ARB2A: variants seen among roughly 807,000 people sequenced by gnomAD.
ARB2A encodes cotranscriptional regulator ARB2A.
At chr5:93,980,459 G>T in the ARB2A span, among the ~76,000 whole-genome samples, 1 of 152,056 alleles carries the variant, frequency 6.6e-6, no homozygotes, top group Non-Finnish European at 1.5e-5. Context: ...TCCTCCTGAG[G>T]ACTCAATGTA....
the ARB2A span, among the ~76,000 whole-genome samples, chr5:93,842,815 G>C: frequency 1.2e-4 from 19 of 152,302 alleles, no homozygotes; most frequent in African/African-American, 4.3e-4. Flanking sequence ...CTTGGCAAAT[G>C]TCTTTGCACA....
At chr5:93,653,875 T>C in the ARB2A span, among the ~76,000 whole-genome samples, 3 of 152,212 alleles carry the variant, frequency 2.0e-5, no homozygotes, top group Non-Finnish European at 4.4e-5. Context: ...CCAAAGGCCA[T>C]AGAATTGGCA....
At chr5:93,887,255 A>AT in the ARB2A span, among the ~76,000 whole-genome samples, 1 of 148,026 alleles carries the variant, frequency 6.8e-6, no homozygotes, top group Non-Finnish European at 1.5e-5. Context: ...AAGTGAGTGG[A>AT]TAAAAAAAAA....
At chr5:93,817,419 A>G in the ARB2A span, among the ~76,000 whole-genome samples, 1 of 152,224 alleles carries the variant, frequency 6.6e-6, no homozygotes, top group African/African-American at 2.4e-5. Flanking sequence ...TAACCTATTT[A>G]ATCAATCCCA....
At chr5:93,896,948 T>C in the ARB2A span, among the ~76,000 whole-genome samples, 2 of 152,132 alleles carry the variant, frequency 1.3e-5, no homozygotes, top group East Asian at 3.9e-4. Context: ...TTAAATAAAA[T>C]TCCAAGAAGT....
At chr5:93,645,576 GAAAAAA>G in the ARB2A span, among the ~76,000 whole-genome samples, 3 of 90,144 alleles carry the variant, frequency 3.3e-5, no homozygotes, top group East Asian at 7.9e-4. Flanking sequence ...CCGTCTCAAA[GAAAAAA>G]AAAAAAAAAG....
the ARB2A span, among the ~76,000 whole-genome samples, chr5:93,828,017 G>C: frequency 2.0e-5 from 3 of 152,200 alleles, no homozygotes; most frequent in Admixed American, 2.0e-4. Context: ...TTTGAAGTCA[G>C]GTAGTGTGAT....
the ARB2A span, among the ~76,000 whole-genome samples, chr5:93,989,816 T>C: frequency 3.9e-5 from 6 of 152,140 alleles, no homozygotes; most frequent in Admixed American, 2.6e-4. Context: ...GAAGAGTCCA[T>C]GGTTCCTGAA....
chr5:93,985,372 TCTCTCC>T, the ARB2A span, among the ~76,000 whole-genome samples: 2 of 151,868 alleles, frequency 1.3e-5, no homozygotes, highest in African/African-American at 2.4e-5. Flanking sequence ...TCTCCCTCTC[TCTCTCC>T]CTCTCCCTCT....
chr5:93,985,573 G>A, the ARB2A span, among the ~76,000 whole-genome samples: 4 of 152,168 alleles, frequency 2.6e-5, no homozygotes, highest in African/African-American at 7.2e-5. Context: ...GCAGGCGCGC[G>A]CCGCCACGCC....
the ARB2A span, among the ~76,000 whole-genome samples, chr5:93,827,538 C>T: frequency 6.6e-6 from 1 of 152,128 alleles, no homozygotes; most frequent in Non-Finnish European, 1.5e-5. Flanking sequence ...TTCCTCCATT[C>T]TGTAGGTTGT....
At chr5:93,618,339 T>C in the ARB2A span, 5 of 152,140 alleles carry the variant, frequency 3.3e-5, no homozygotes, top group African/African-American at 1.2e-4. Flanking sequence ...CGGGACTATT[T>C]TGAATCTTAG....
At chr5:93,878,427 T>A in the ARB2A span, among the ~76,000 whole-genome samples, 1 of 150,846 alleles carries the variant, frequency 6.6e-6, no homozygotes, top group Non-Finnish European at 1.5e-5. Context: ...CTCAAAGGGG[T>A]GTGTGTGTGT....
At chr5:93,640,428 G>A in the ARB2A span, among the ~76,000 whole-genome samples, 5 of 151,288 alleles carry the variant, frequency 3.3e-5, no homozygotes, top group African/African-American at 7.3e-5. Context: ...CAGCCTGGGC[G>A]ACAGAGCAAG....
the ARB2A span, among the ~76,000 whole-genome samples, chr5:93,985,797 C>T: frequency 6.6e-6 from 1 of 152,198 alleles, no homozygotes; most frequent in East Asian, 1.9e-4. Context: ...CAGCCGCCTG[C>T]CTTGGCCTCC....
chr5:93,732,234 T>A, the ARB2A span, among the ~76,000 whole-genome samples: 1 of 152,206 alleles, frequency 6.6e-6, no homozygotes, highest in African/African-American at 2.4e-5. Flanking sequence ...TCATCTTTCA[T>A]CTGGCTGGGG....
At chr5:94,041,167 T>C in the ARB2A span, among the ~76,000 whole-genome samples, 3 of 151,722 alleles carry the variant, frequency 2.0e-5, no homozygotes, top group Non-Finnish European at 4.4e-5. Context: ...TCCTGTAAAG[T>C]TTTGATTAAT....
chr5:93,906,236 T>C, the ARB2A span, among the ~76,000 whole-genome samples: 1 of 151,512 alleles, frequency 6.6e-6, no homozygotes, highest in Non-Finnish European at 1.5e-5. Context: ...GACATACATT[T>C]TGCATTTCTG....
chr5:93,858,142 G>A, the ARB2A span, among the ~76,000 whole-genome samples: 16 of 152,286 alleles, frequency 1.1e-4, no homozygotes, highest in African/African-American at 2.4e-4. Context: ...CAAGATGTGC[G>A]TAATTGCTCC....
Sources: allele counts gnomAD v4.1 joint callset (sites outside exome capture counted in the v4.1 genomes callset), GRCh38; gene constraint gnomAD v4.1.1; transcripts MANE v1.5; gene names NCBI Gene and HGNC (gene_info 2026-07-23, HGNC 2026-07-21).